The following EXOC6B variants were observed in gnomAD, a reference collection of about 807,000 sequenced individuals.
EXOC6B encodes the protein SEC15 homolog B.
In EXOC6B, 54 loss-of-function variants were observed where a neutral mutation model predicts 113.5. The observed-to-expected ratio is 0.48, with a 90% confidence interval of 0.38 to 0.60. EXOC6B has a LOEUF of 0.60. Ranked by LOEUF, EXOC6B falls within the 20% of genes least tolerant of loss-of-function variation. EXOC6B has a pLI of 0.00. For synonymous variants in EXOC6B, 357 were observed against 339.0 expected (o/e 1.05, Z -0.58); for missense variants, 797 against 977.5 (o/e 0.82, Z 2.46).
chr2:72,458,876 T>C (rs978596912), intron 18 of EXOC6B, among the ~76,000 whole-genome samples: 2 of 151,776 alleles, frequency 1.3e-5, no homozygotes, highest in Non-Finnish European at 2.9e-5. Context: ...TGGGGACAGG[T>C]GGGCTGGCAA....
chr2:72,224,994 G>GTGTGTATA (rs908047817), intron 20 of EXOC6B, among the ~76,000 whole-genome samples: 13 of 137,298 alleles, frequency 9.5e-5, no homozygotes, highest in South Asian at 2.3e-4. Context: ...GTGTGTGTGT[G>GTGTGTATA]TATATATATA....
At chr2:72,368,319 A>G (rs1157372354) in intron 19 of EXOC6B, among the ~76,000 whole-genome samples, 2 of 152,340 alleles carry the variant, frequency 1.3e-5, no homozygotes, top group African/African-American at 4.8e-5. Context: ...ACCAGGAAGA[A>G]GTTGAATCTC....
At chr2:72,295,809 A>T (rs950581904) in intron 20 of EXOC6B, among the ~76,000 whole-genome samples, 3 of 152,216 alleles carry the variant, frequency 2.0e-5, no homozygotes, top group African/African-American at 4.8e-5. Context: ...CCTTTCTAAT[A>T]TATTTATTTT....
chr2:72,652,740 CTA>C lies in EXOC6B; in HGVS notation c.669+65361_669+65362del, dbSNP rs1480635872. On this transcript the variant is annotated intron_variant, in intron 6 of 21. Coordinates refer to ENST00000272427, the MANE Select transcript of EXOC6B (RefSeq NM_015189.3). ...CTATGAAATTATATATAATTATACT[CTA>C]TATCTAATATATAAAATATGTAGTA... Among the ~76,000 whole-genome samples the C allele has an allele frequency of 2.0e-4, 30 of 147,152 alleles. No individual in the cohort carries two copies. The East Asian group carries it at 4.7e-3, about 23-fold the overall frequency.
At chr2:72,574,892 G>C (rs903693415) in intron 7 of EXOC6B, among the ~76,000 whole-genome samples, 2 of 152,142 alleles carry the variant, frequency 1.3e-5, no homozygotes, top group African/African-American at 4.8e-5. Flanking sequence ...AAGAAAGATA[G>C]AAAAATATGT....
chr2:72,368,325 A>C (rs1023241684), intron 19 of EXOC6B, among the ~76,000 whole-genome samples: 2 of 152,208 alleles, frequency 1.3e-5, no homozygotes, highest in Non-Finnish European at 2.9e-5. Context: ...AAGAAGTTGA[A>C]TCTCTGAATA....
At chr2:72,279,224 G>A (rs1277103452) in intron 20 of EXOC6B, among the ~76,000 whole-genome samples, 1 of 152,194 alleles carries the variant, frequency 6.6e-6, no homozygotes, top group African/African-American at 2.4e-5. Flanking sequence ...CTAGAACAGA[G>A]AGACTGGATA....
intron 18 of EXOC6B, among the ~76,000 whole-genome samples, chr2:72,425,992 C>A (rs930630042): frequency 6.6e-6 from 1 of 152,084 alleles, no homozygotes; most frequent in Non-Finnish European, 1.5e-5. Context: ...GTCTTTATTA[C>A]GTTTTCCTGG....
At chr2:72,258,513 C>T (rs1472100619) in intron 20 of EXOC6B, among the ~76,000 whole-genome samples, 2 of 151,232 alleles carry the variant, frequency 1.3e-5, no homozygotes, top group East Asian at 3.9e-4. Flanking sequence ...CAGGCATGAA[C>T]CACCACTCCT....
At chr2:72,248,051 C>G (rs750092386) in intron 20 of EXOC6B, among the ~76,000 whole-genome samples, 1 of 152,146 alleles carries the variant, frequency 6.6e-6, no homozygotes, top group Non-Finnish European at 1.5e-5. Context: ...CAAGGTTATG[C>G]TCTGGGATAT....
At chr2:72,193,022 C>T (rs17007933) in intron 20 of EXOC6B, among the ~76,000 whole-genome samples, 1 of 152,072 alleles carries the variant, frequency 6.6e-6, no homozygotes, top group Admixed American at 6.6e-5. Context: ...AACACTAACC[C>T]CAGAGCAGCT....
chr2:72,470,192 T>G (rs1431293601), intron 17 of EXOC6B, among the ~76,000 whole-genome samples: 1 of 152,178 alleles, frequency 6.6e-6, no homozygotes, highest in African/African-American at 2.4e-5. Flanking sequence ...TTAATGATAT[T>G]AATTCTTCTG....
Position 72,768,372 on chromosome 2 carries a change from A to C in EXOC6B, c.114-26903T>G, listed in dbSNP as rs374215806. Among the ~76,000 whole-genome samples the C allele has an allele frequency of 2.8e-3, 407 of 147,710 alleles. 1 individual carries two copies. Among genetic ancestry groups the C allele is most frequent in the African/African-American group, 9.8e-3 (392 of 40,170 alleles). On this transcript the variant is annotated intron_variant, in intron 1 of 21. Transcript: ENST00000272427. ...AATGGTGCGATCTCGGCTCACTGCAACCTCCGCCTACCGGGTTCAAGCCAT... is the reference window on the plus strand; with the variant it reads ...AATGGTGCGATCTCGGCTCACTGCACCCTCCGCCTACCGGGTTCAAGCCAT...
At chr2:72,607,088 A>T (rs1394802276) in intron 6 of EXOC6B, among the ~76,000 whole-genome samples, 1 of 152,196 alleles carries the variant, frequency 6.6e-6, no homozygotes, top group Non-Finnish European at 1.5e-5. Context: ...ATTAATTAAG[A>T]TTATGGAATA....
rs1677927568 is a variant in EXOC6B at position 72,179,194 on chromosome 2, G to A, written c.*141C>T. ...CTCTTTTACTATAGGGAAATGTTAT[G>A]TGAATACTGCACAGGGGTTAATAAA... On this transcript the variant is annotated 3_prime_UTR_variant, in exon 22 of 22. Transcript: ENST00000272427. The A allele has an allele frequency of 2.2e-6, 2 of 928,162 alleles. No homozygotes were observed. The allele number at this position is 928,162 out of a possible 1,614,324, so 57.5% of individuals were successfully genotyped here. A position where few individuals can be genotyped will look rare whatever the true frequency, so the allele number is the denominator to read the frequency against.
At chr2:72,230,765 A>G (rs1157520280) in intron 20 of EXOC6B, among the ~76,000 whole-genome samples, 3 of 152,194 alleles carry the variant, frequency 2.0e-5, no homozygotes, top group Non-Finnish European at 1.5e-5. Context: ...AGAGCAAAGA[A>G]CTATTAAAGC....
intron 19 of EXOC6B, among the ~76,000 whole-genome samples, chr2:72,338,952 TACACATACAC>T (rs1434306425): frequency 4.7e-5 from 7 of 150,304 alleles, no homozygotes; most frequent in African/African-American, 1.7e-4. Flanking sequence ...CACATACACA[TACACATACAC>T]ATACATACAC....
chr2:72,650,003 G>A (rs953859177), intron 6 of EXOC6B, among the ~76,000 whole-genome samples: 2 of 152,228 alleles, frequency 1.3e-5, no homozygotes, highest in African/African-American at 2.4e-5. Context: ...GGCCAGTACC[G>A]GTCCATAGCC....
chr2:72,437,651 G>A (rs763140275), intron 18 of EXOC6B, among the ~76,000 whole-genome samples: 5 of 152,096 alleles, frequency 3.3e-5, no homozygotes, highest in Non-Finnish European at 7.4e-5. Context: ...GCTGAGCTGT[G>A]GTGGGTTCCC....
Sources: allele counts gnomAD v4.1 joint callset (sites outside exome capture counted in the v4.1 genomes callset), GRCh38; gene constraint gnomAD v4.1.1; transcripts MANE v1.5; gene names NCBI Gene and HGNC (gene_info 2026-07-23, HGNC 2026-07-21).